DHX8: variants seen among roughly 807,000 people sequenced by gnomAD.
DHX8 encodes the protein ATP-dependent RNA helicase DHX8.
In DHX8, 67 loss-of-function variants were observed where a neutral mutation model predicts 140.7. The ratio of observed to expected loss-of-function variants is 0.48; its 90% confidence interval spans 0.39 to 0.58. The LOEUF is 0.58. Ranked by LOEUF, DHX8 falls within the 20% of genes least tolerant of loss-of-function variation. The probability of loss-of-function intolerance (pLI) is 0.00; values close to 1 mark genes in which losing one functional copy is unlikely to be tolerated. For synonymous variants in DHX8, 533 were observed against 553.2 expected, an observed-to-expected ratio of 0.96 and a Z score of 0.51; for missense variants, 887 against 1,550.7, an observed-to-expected ratio of 0.57 and a Z score of 7.19.
intron 2 of DHX8, among the ~76,000 whole-genome samples, chr17:43,531,838 A>G (rs1488099995): frequency 6.6e-6 from 1 of 152,198 alleles, no homozygotes; most frequent in African/African-American, 2.4e-5. Flanking sequence ...CTGTGGGGAT[A>G]GGGACCAGAC....
intron 19 of DHX8, 50 bp from the exon 20 acceptor site, chr17:43,520,701 A>G (rs1970331514): frequency 1.2e-6 from 2 of 1,612,522 alleles, no homozygotes; most frequent in Non-Finnish European, 1.7e-6. Context: ...TGGTGAATCC[A>G]AATGTGTCTT....
At chr17:43,520,964 C>CAT in intron 20 of DHX8, 85 bp downstream of exon 20, 1 of 399,002 alleles carries the variant, frequency 2.5e-6, no homozygotes, top group Non-Finnish European at 3.5e-6. Context: ...TTGATGTGGA[C>CAT]TTTTTTTTTT....
At chr17:43,529,409 A>G (rs1350417603), downstream of DHX8, 6 of 1,476,978 alleles carry the variant, frequency 4.1e-6, no homozygotes, top group East Asian at 1.4e-4. Flanking sequence ...TAAAGCAAGA[A>G]TCATGATGGA....
rs534074887 is a variant in DHX8 at position 43,492,285 on chromosome 17, G to C, written c.496G>C (p.Glu166Gln). The C allele has an allele frequency of 1.9e-6, 3 of 1,613,054 alleles. No individual in the cohort carries two copies. The highest frequency in any genetic ancestry group is 2.5e-6 in the Non-Finnish European group (3 of 1,179,240). ...AGGCCAGGAGAAGCAAAGAGATGCT[G>C]AACACCGGTTTGTCCTTAGTGTCCT... Reference protein sequence around the residue: ...AAGQEKQRDAEHRDRTKKKKR... With the variant: ...AAGQEKQRDAQHRDRTKKKKR... Residue 166 changes from glutamate to glutamine, a missense_variant, in exon 5 of 23, where the codon GAA becomes CAA. Physicochemically the swap from Glu to Gln is conservative, Grantham distance 29. This residue lies in a region of DHX8 where 304 missense variants were observed against 306.9 expected (regional missense o/e 0.99). Coordinates refer to ENST00000262415, the MANE Select transcript of DHX8 (RefSeq NM_004941.3).
In DHX8 at chr17:43,520,890, C is replaced by G; in HGVS notation, c.3066+11C>G. On this transcript the variant is annotated intron_variant, in intron 20 of 22. Coordinates refer to ENST00000262415, the MANE Select transcript of DHX8 (RefSeq NM_004941.3). ...TTCTATAGGCCCAAGGTAGGAAGTTCAGATCCAAGTTTAGATGGGGGTGCC... is the reference window on the plus strand; with the variant it reads ...TTCTATAGGCCCAAGGTAGGAAGTTGAGATCCAAGTTTAGATGGGGGTGCC... The G allele has an allele frequency of 6.3e-7, 1 of 1,591,184 alleles. No individual in the cohort carries two copies. The highest frequency in any genetic ancestry group is 8.6e-7 in the Non-Finnish European group (1 of 1,168,550).
At chr17:43,530,495 G>C, downstream of DHX8, 2 of 1,233,396 alleles carry the variant, frequency 1.6e-6, no homozygotes, top group South Asian at 3.5e-5. Context: ...AGGGGGAGGA[G>C]GGAGGGTGAG....
intron 16 of DHX8, among the ~76,000 whole-genome samples, chr17:43,512,949 A>G (rs1355917113): frequency 1.3e-5 from 2 of 152,110 alleles, no homozygotes; most frequent in African/African-American, 4.8e-5. Context: ...TTTTTAGTCC[A>G]GATGTCTCGG....
At chr17:43,484,527 A>G (rs1431325782) in intron 1 of DHX8, among the ~76,000 whole-genome samples, 1 of 152,174 alleles carries the variant, frequency 6.6e-6, no homozygotes, top group Non-Finnish European at 1.5e-5. Flanking sequence ...TTGGGTGCTC[A>G]CTATGTGCTA....
Position 43,524,865 on chromosome 17 carries a change from G to A in DHX8, c.*1018G>A, listed in dbSNP as rs1970554465. On this transcript the variant is annotated 3_prime_UTR_variant, in exon 23 of 23. Transcript: ENST00000262415. ...CAGCTGGTTTGTGCTGCCAGTATCTGTGCTGCAGGGCTTGTTCTTAGTGGT... is the reference window on the plus strand; with the variant it reads ...CAGCTGGTTTGTGCTGCCAGTATCTATGCTGCAGGGCTTGTTCTTAGTGGT... 5 of 985,200 alleles carry A rather than the reference G, an allele frequency of 5.1e-6. No homozygotes were observed. In the South Asian group the frequency reaches 2.3e-4, roughly 46 times the overall value. The allele number at this position is 985,200 out of a possible 1,614,324, so 61.0% of individuals were successfully genotyped here. A position where few individuals can be genotyped will look rare whatever the true frequency, so the allele number is the denominator to read the frequency against.
chr17:43,508,409 G>T lies in DHX8; in HGVS notation c.2391G>T (p.Met797Ile), dbSNP rs1969609127. Reference sequence around the variant, plus strand: ...CTTGTGAGATCCTGTATGAAAGAATGAAATCCCTGGGACCTGATGTTCCAG... The same window carrying T: ...CTTGTGAGATCCTGTATGAAAGAATTAAATCCCTGGGACCTGATGTTCCAG... ...DTACEILYER[M>I]KSLGPDVPEL... is the part of the protein sequence containing the mutation. The change falls in exon 16 of 23, where the codon ATG becomes ATT. Residue 797 changes from methionine (M) to isoleucine (I), a missense_variant. Transcript: ENST00000262415. 1 of 1,613,788 alleles carries T rather than the reference G, an allele frequency of 6.2e-7. No individual in the cohort carries two copies. Among genetic ancestry groups the T allele is most frequent in the Non-Finnish European group, 8.5e-7 (1 of 1,179,766 alleles).
intron 5 of DHX8, 70 bp from the exon 6 acceptor site, chr17:43,492,610 TG>T: frequency 1.1e-6 from 1 of 896,082 alleles, no homozygotes; most frequent in Non-Finnish European, 1.8e-6. Context: ...GGCACTGTAC[TG>T]GGTGCTTGGG....
chr17:43,529,989 G>T (rs372949423), downstream of DHX8: 4 of 1,612,100 alleles, frequency 2.5e-6, no homozygotes, highest in African/African-American at 2.7e-5. Context: ...AGATCTGGGG[G>T]TTCACCGATG....
At position 43,504,795 on chromosome 17, in the gene DHX8, C is replaced by T. The variant is rs1273885368; in HGVS notation, c.1698C>T (p.Pro566=). ...TCCTTGAGCAGAGGGAGAGCCTGCCCATCTACAAACTGAAGGAGCAATTGG... is the reference window on the plus strand; with the variant it reads ...TCCTTGAGCAGAGGGAGAGCCTGCCTATCTACAAACTGAAGGAGCAATTGG... ...MSILEQRESL[P]IYKLKEQLVQ... is the part of the protein sequence containing the mutation. The change falls in exon 12 of 23, where the codon CCC becomes CCT. Residue 566 remains proline (P), a synonymous_variant. Transcript: ENST00000262415. 1.9e-6 allele frequency: 3 copies of T among 1,613,918 alleles called. No homozygotes were observed. Among genetic ancestry groups the T allele is most frequent in the Admixed American group, 1.7e-5 (1 of 59,956 alleles).
chr17:43,491,260 C>T lies in DHX8; in HGVS notation c.393+10C>T, dbSNP rs768177682. On this transcript the variant is annotated intron_variant, in intron 4 of 22. Coordinates refer to ENST00000262415, the MANE Select transcript of DHX8 (RefSeq NM_004941.3). The stretch of plus-strand genomic sequence containing the variant: ...CAACCCTTCTGTTCGGGTACTGATA[C>T]CATTTTAAGAGTGTCTACTATAAAT... 1.5e-5 allele frequency: 22 copies of T among 1,456,070 alleles called. No homozygotes were observed. Among genetic ancestry groups the T allele is most frequent in the South Asian group, 4.2e-5 (3 of 71,300 alleles). 90.2% of individuals were successfully genotyped at this position (1,456,070 alleles called of 1,614,324 possible). A position where few individuals can be genotyped will look rare whatever the true frequency, so the allele number is the denominator to read the frequency against.
chr17:43,521,521 C>G lies in DHX8; in HGVS notation c.3219C>G (p.Arg1073=), dbSNP rs1440627899. The change falls in exon 21 of 23, where the codon CGC becomes CGG. Residue 1073 remains arginine, a synonymous_variant. Transcript: ENST00000262415. ...ACTTTATCCAGGCTCGTTCCCTGCG[C>G]CGGGCCCAGGACATTCGCAAGCAGA... The part of the protein sequence containing the change: ...YENFIQARSL[R]RAQDIRKQML... The G allele has an allele frequency of 6.2e-7, 1 of 1,613,806 alleles. No homozygotes were observed.
intron 1 of DHX8, among the ~76,000 whole-genome samples, chr17:43,486,631 A>C (rs907042177): frequency 6.6e-6 from 1 of 152,132 alleles, no homozygotes; most frequent in Non-Finnish European, 1.5e-5. Context: ...ATGTAATCCC[A>C]GCACTTTGGG....
chr17:43,523,065 A>G lies in DHX8; in HGVS notation c.3444-563A>G, dbSNP rs1441737533. 5.5e-5 allele frequency among the ~76,000 whole-genome samples: 8 copies of G among 146,646 alleles called. No homozygotes were observed. The East Asian group carries it at 1.6e-3, about 29-fold the overall frequency. ...GAGACAGAGTGAGACTCCGTCCCAA[A>G]AAAAAAAAAAAAAAGAAAGAAAAAA... On this transcript the variant is annotated intron_variant, in intron 22 of 22. Transcript: ENST00000262415.
intron 12 of DHX8, 112 bp from the exon 13 acceptor site, chr17:43,506,891 A>G (rs1222274726): frequency 1.3e-6 from 1 of 757,678 alleles, no homozygotes; most frequent in Non-Finnish European, 2.0e-6. Context: ...TATAGTAATT[A>G]TTTTATTCCA....
At chr17:43,491,930 A>G (rs2154586358) in intron 4 of DHX8, among the ~76,000 whole-genome samples, 1 of 152,306 alleles carries the variant, frequency 6.6e-6, no homozygotes, top group East Asian at 1.9e-4. Context: ...GCATTCTTTC[A>G]TGGCAGGGAT....
Sources: gnomAD v4.1 joint callset for allele counts (sites outside exome capture counted in the v4.1 genomes callset) on GRCh38, gnomAD v4.1.1 for gene constraint, gnomAD v4.1.1 regional missense constraint, MANE v1.5 for transcripts, NCBI Gene and HGNC (gene_info 2026-07-23, HGNC 2026-07-21) for gene names.